MFF: variants seen among roughly 807,000 people sequenced by gnomAD.
MFF encodes the protein mitochondrial fission factor.
A neutral mutation model predicts 36.9 loss-of-function variants in MFF; 12 were observed. The observed-to-expected ratio is 0.33, with a 90% CI of 0.21 to 0.53. The LOEUF (loss-of-function observed/expected upper bound fraction) is 0.53, where lower values mean the gene tolerates loss of function less well. Ranked by LOEUF, MFF falls within the 20% of genes least tolerant of loss-of-function variation. The probability of loss-of-function intolerance (pLI) is 0.95; values close to 1 mark genes in which losing one functional copy is unlikely to be tolerated. For missense variants in MFF, 348 were observed against 366.6 expected, an observed-to-expected ratio of 0.95 and a Z score of 0.42; for synonymous variants, 99 against 126.2, an observed-to-expected ratio of 0.78 and a Z score of 1.44.
chr2:227,330,543 T>G lies in MFF; in HGVS notation c.-40-83T>G, dbSNP rs2106344630. The G allele has an allele frequency of 3.5e-6, 3 of 859,332 alleles. No homozygotes were observed. The East Asian group carries it at 7.7e-5, about 22-fold the overall frequency. The allele number at this position is 859,332 out of a possible 1,614,324, so 53.2% of individuals were successfully genotyped here. A position where few individuals can be genotyped will look rare whatever the true frequency, so the allele number is the denominator to read the frequency against. Reference sequence around the variant, plus strand: ...GAGAAGTTTCCTTTCGCTCTTTCTATAAGGTATTGTCTTCTAACTTCACTG... The same window carrying G: ...GAGAAGTTTCCTTTCGCTCTTTCTAGAAGGTATTGTCTTCTAACTTCACTG... On this transcript the variant is annotated intron_variant, in intron 2 of 8. Transcript: ENST00000304593.
intron 3 of MFF, among the ~76,000 whole-genome samples, chr2:227,332,164 G>A (rs980103903): frequency 6.6e-6 from 1 of 150,478 alleles, no homozygotes; most frequent in African/African-American, 2.4e-5. Flanking sequence ...AGTAGAGACG[G>A]GGTTTCACCG....
intron 5 of MFF, chr2:227,342,913 G>T: frequency 1.1e-6 from 1 of 948,620 alleles, no homozygotes; most frequent in Non-Finnish European, 1.6e-6. Context: ...ATTGACGTAT[G>T]CTATCCTAAT....
At position 227,325,435 on chromosome 2, in the gene MFF, T is replaced by C. The variant is rs7576719; in HGVS notation, c.-153+8T>C. On this transcript the variant is annotated splice_region_variant and intron_variant, in intron 1 of 8. Coordinates refer to ENST00000304593, the MANE Select transcript of MFF (RefSeq NM_001277062.2). ...CCTCCTGTGGGCCCAGGGGTGAGTGTTGACGTCTTCCCGACCCGCGACCTG... is the reference window on the plus strand; with the variant it reads ...CCTCCTGTGGGCCCAGGGGTGAGTGCTGACGTCTTCCCGACCCGCGACCTG... 0.96 allele frequency: 146,025 copies of C among 152,470 alleles called. 70,103 individuals carry two copies. The highest frequency in any genetic ancestry group is 1 in the East Asian group (5,129 of 5,134). The allele number at this position is 152,470 out of a possible 1,614,324, so 9.4% of individuals were successfully genotyped here.
At chr2:227,350,856 A>G (rs1243434161) in intron 6 of MFF, among the ~76,000 whole-genome samples, 1 of 152,206 alleles carries the variant, frequency 6.6e-6, no homozygotes, top group Non-Finnish European at 1.5e-5. Flanking sequence ...CTTATCGTAG[A>G]AAATGGTACT....
At chr2:227,329,562 A>G (rs948391267) in intron 2 of MFF, 1 of 467,200 alleles carries the variant, frequency 2.1e-6, no homozygotes, top group African/African-American at 3.3e-5. Flanking sequence ...TTTCTTATGA[A>G]ATGAATTGTT....
chr2:227,342,239 A>G (rs1227226575), intron 5 of MFF, among the ~76,000 whole-genome samples: 1 of 152,078 alleles, frequency 6.6e-6, no homozygotes, highest in Non-Finnish European at 1.5e-5. Context: ...GTTGTAAAGT[A>G]TATTACCATG....
intron 5 of MFF, among the ~76,000 whole-genome samples, chr2:227,341,290 T>C (rs199935760): frequency 1.1e-3 from 1 of 876 alleles, no homozygotes; most frequent in South Asian, 0.12. Context: ...TAGAGAGAGG[T>C]TTTTTTTTTT....
rs2076306239 is a variant in MFF at position 227,357,273 on chromosome 2, G to A, written c.*156G>A. 2 of 778,874 alleles carry A rather than the reference G, an allele frequency of 2.6e-6. No homozygotes were observed. Among genetic ancestry groups the A allele is most frequent in the South Asian group, 4.0e-5 (2 of 49,582 alleles). The allele number at this position is 778,874 out of a possible 1,614,324, so 48.2% of individuals were successfully genotyped here. ...AAGTCTGGAGGAAGGACCTATATTT[G>A]TAGAAGTAAAGGTATATTCTGTCAC... On this transcript the variant is annotated 3_prime_UTR_variant, in exon 9 of 9. Transcript: ENST00000304593.
chr2:227,326,833 A>T (rs546210925), intron 1 of MFF, among the ~76,000 whole-genome samples: 1 of 152,214 alleles, frequency 6.6e-6, no homozygotes, highest in Non-Finnish European at 1.5e-5. Context: ...TTTGAAAAGT[A>T]CATAAACATT....
Position 227,340,312 on chromosome 2 carries a change from A to G in MFF, c.372A>G (p.Leu124=), listed in dbSNP as rs1057522742. 3 of 1,613,868 alleles carry G rather than the reference A, an allele frequency of 1.9e-6. No homozygotes were observed. ...QNEEIRAVGR[L]KRERSMSENA... is the part of the protein sequence containing the mutation. ...AACAGATCCGAGCAGTTGGCAGACTAAAAAGAGAGCGGTCTATGAGTGAAA... is the reference window on the plus strand; with the variant it reads ...AACAGATCCGAGCAGTTGGCAGACTGAAAAGAGAGCGGTCTATGAGTGAAA... Residue 124 remains leucine (L), a synonymous_variant, in exon 5 of 9, where the codon CTA becomes CTG. Coordinates refer to ENST00000304593, the MANE Select transcript of MFF (RefSeq NM_001277062.2).
At chr2:227,342,847 CAAG>C (rs375100372) in intron 5 of MFF, 1 of 1,583,594 alleles carries the variant, frequency 6.3e-7, no homozygotes, top group African/African-American at 1.3e-5. Flanking sequence ...CTGCTTTTGA[CAAG>C]TAGTTGTTTT....
intron 2 of MFF, chr2:227,329,833 A>G (rs181958606): frequency 1.7e-5 from 23 of 1,354,544 alleles, no homozygotes; most frequent in Admixed American, 5.2e-5. Flanking sequence ...TTGAGAGACA[A>G]TGGCTTTAAA....
chr2:227,352,630 G>A, intron 7 of MFF, 57 bp downstream of exon 7: 1 of 1,378,082 alleles, frequency 7.3e-7, no homozygotes, highest in Non-Finnish European at 1.0e-6. Context: ...TTTGTGTGTT[G>A]CAGGGCATGT....
chr2:227,351,562 A>G (rs2075997400), intron 6 of MFF: 1 of 152,328 alleles, frequency 6.6e-6, no homozygotes, highest in East Asian at 1.9e-4. Context: ...ATAGGATTTA[A>G]TAATTCTTCA....
At chr2:227,326,328 G>C (rs6751194) in intron 1 of MFF, among the ~76,000 whole-genome samples, 145,662 of 151,992 alleles carry the variant, frequency 0.96, 70,017 homozygotes, top group East Asian at 1. Context: ...CAAATGTTTT[G>C]TCTCCCTGCG....
chr2:227,336,426 A>G (rs955567300), intron 4 of MFF, among the ~76,000 whole-genome samples: 1 of 152,246 alleles, frequency 6.6e-6, no homozygotes, highest in Non-Finnish European at 1.5e-5. Flanking sequence ...TTGGAAGAGC[A>G]CTGAACCCCA....
chr2:227,339,426 G>GGC (rs2075262386), intron 4 of MFF, among the ~76,000 whole-genome samples: 1 of 152,160 alleles, frequency 6.6e-6, no homozygotes, highest in African/African-American at 2.4e-5. Context: ...AAGTCTCAAA[G>GGC]GCAAAGGATA....
chr2:227,336,072 A>G (rs2074978948), intron 4 of MFF, among the ~76,000 whole-genome samples: 1 of 152,240 alleles, frequency 6.6e-6, no homozygotes, highest in South Asian at 2.1e-4. Context: ...CTCAAAAAGG[A>G]ATCCGAACTG....
chr2:227,346,245 T>G (rs560437646), intron 5 of MFF: 3 of 167,108 alleles, frequency 1.8e-5, no homozygotes, highest in African/African-American at 7.2e-5. Context: ...ACACATTGGA[T>G]GACATTTAGC....
Sources: allele counts gnomAD v4.1 joint callset (sites outside exome capture counted in the v4.1 genomes callset), GRCh38; gene constraint gnomAD v4.1.1; transcripts MANE v1.5; gene names NCBI Gene and HGNC (gene_info 2026-07-23, HGNC 2026-07-21).